The following METTL9 variants were observed in gnomAD, a reference collection of about 807,000 sequenced individuals.
The protein encoded by METTL9 is methyltransferase 9, His-X-His N1(pi)-histidine, also known as protein-L-histidine N-pros-methyltransferase.
A neutral mutation model predicts 36.0 loss-of-function variants in METTL9; 10 were observed. The ratio of observed to expected loss-of-function variants is 0.28; its 90% CI spans 0.17 to 0.47. METTL9 has a LOEUF of 0.47. METTL9 is among the 20% of genes least tolerant of loss of function. METTL9 has a pLI of 0.99. For missense variants in METTL9, 246 were observed against 383.5 expected, an observed-to-expected ratio of 0.64 and a Z score of 3.00; for synonymous variants, 175 against 149.7, an observed-to-expected ratio of 1.17 and a Z score of -1.23.
intron 3 of METTL9, among the ~76,000 whole-genome samples, chr16:21,618,745 G>A (rs1395791220): frequency 2.0e-5 from 3 of 150,190 alleles, no homozygotes; most frequent in African/African-American, 7.4e-5. Context: ...ATGGAGTCTT[G>A]CTCTGTCACC....
rs965871713 is a variant in METTL9, at chr16:21,651,585, A to G, written c.752-3642A>G. Among the ~76,000 whole-genome samples, 3 of 151,926 alleles carry G rather than the reference A, an allele frequency of 2.0e-5. 1 individual carries two copies. The highest frequency in any genetic ancestry group is 4.8e-5 in the African/African-American group (2 of 41,446). The stretch of plus-strand genomic sequence containing the variant: ...CAAAGTGCTGGGATTACAGGCATGA[A>G]CCACCACGCCCAGCCCAAAGCTTTA... On this transcript the variant is annotated intron_variant, in intron 4 of 4. Coordinates refer to ENST00000358154, the MANE Select transcript of METTL9 (RefSeq NM_016025.5).
At chr16:21,604,059 C>T (rs1173965952) in intron 1 of METTL9, among the ~76,000 whole-genome samples, 1 of 152,072 alleles carries the variant, frequency 6.6e-6, no homozygotes, top group Non-Finnish European at 1.5e-5. Context: ...CTCACTTACC[C>T]TGTGGAGGCA....
chr16:21,625,415 T>C (rs1379773300), intron 4 of METTL9, among the ~76,000 whole-genome samples: 2 of 152,198 alleles, frequency 1.3e-5, no homozygotes, highest in Non-Finnish European at 2.9e-5. Context: ...CTTGAACCAT[T>C]TATTTATTAG....
chr16:21,646,158 C>CTTTT (rs11415948), intron 4 of METTL9, among the ~76,000 whole-genome samples: 7 of 150,514 alleles, frequency 4.7e-5, no homozygotes, highest in African/African-American at 1.7e-4. Flanking sequence ...GAAATTCCCC[C>CTTTT]TTTTTTTTTC....
intron 3 of METTL9, among the ~76,000 whole-genome samples, chr16:21,619,182 C>A (rs1224842341): frequency 3.9e-5 from 6 of 152,058 alleles, no homozygotes; most frequent in Non-Finnish European, 5.9e-5. Context: ...TGGGTATAGA[C>A]CCAGAAGTGG....
intron 4 of METTL9, among the ~76,000 whole-genome samples, chr16:21,635,469 A>G (rs1482414079): frequency 6.6e-6 from 1 of 151,944 alleles, no homozygotes; most frequent in African/African-American, 2.4e-5. Context: ...CAAGCTCTGT[A>G]TAGTTGTGTA....
chr16:21,621,285 T>C (rs948581277), intron 3 of METTL9, among the ~76,000 whole-genome samples: 3 of 152,076 alleles, frequency 2.0e-5, no homozygotes, highest in Admixed American at 6.6e-5. Context: ...AGTGCTGAGA[T>C]TACAGGCATG....
At chr16:21,608,148 CA>C (rs556503146) in intron 1 of METTL9, among the ~76,000 whole-genome samples, 1 of 151,008 alleles carries the variant, frequency 6.6e-6, no homozygotes, top group Admixed American at 6.6e-5. Context: ...GACTCCGTCT[CA>C]AAAAAAACAA....
intron 4 of METTL9, chr16:21,639,490 C>T (rs1966190783): frequency 6.6e-6 from 1 of 152,202 alleles, no homozygotes; most frequent in Non-Finnish European, 1.5e-5. Context: ...AAGCTCATTA[C>T]TTTACCTGAG....
intron 4 of METTL9, among the ~76,000 whole-genome samples, chr16:21,643,789 AG>A (rs780882507): frequency 5.9e-5 from 9 of 152,218 alleles, no homozygotes; most frequent in Non-Finnish European, 1.0e-4. Flanking sequence ...CGTTGATTGT[AG>A]GATTTATAGT....
chr16:21,655,050 CTGTT>C, intron 4 of METTL9, 173 bp from the exon 5 acceptor site: 1 of 618,352 alleles, frequency 1.6e-6, no homozygotes, highest in African/African-American at 1.8e-5. Context: ...CCTTCTGAGT[CTGTT>C]CTTTATCTGC....
intron 4 of METTL9, chr16:21,627,255 T>G: frequency 3.0e-6 from 3 of 984,772 alleles, no homozygotes; most frequent in Non-Finnish European, 3.6e-6. Context: ...GCTGGACTGT[T>G]GGAGGATATC....
At chr16:21,654,569 GA>G (rs1567351540) in intron 4 of METTL9, 1 of 152,332 alleles carries the variant, frequency 6.6e-6, no homozygotes, top group African/African-American at 2.4e-5. Context: ...TCTAGTCCAA[GA>G]AATGCTGGAC....
chr16:21,630,637 T>G (rs1965934729), intron 4 of METTL9, among the ~76,000 whole-genome samples: 1 of 152,164 alleles, frequency 6.6e-6, no homozygotes, highest in Non-Finnish European at 1.5e-5. Flanking sequence ...GGGGAACTCT[T>G]TAGGCCAGTG....
At chr16:21,642,960 T>C in intron 4 of METTL9, 1 of 640,986 alleles carries the variant, frequency 1.6e-6, no homozygotes, top group Non-Finnish European at 2.8e-6. Flanking sequence ...GTGAAAGTTC[T>C]CTTTCAGACT....
At chr16:21,640,165 C>T (rs1344095147) in intron 4 of METTL9, 1 of 151,968 alleles carries the variant, frequency 6.6e-6, no homozygotes, top group Non-Finnish European at 1.5e-5. Context: ...GTCTCGAACT[C>T]CTGATCTCAT....
At chr16:21,619,897 C>T (rs1965652744) in intron 3 of METTL9, among the ~76,000 whole-genome samples, 1 of 152,150 alleles carries the variant, frequency 6.6e-6, no homozygotes, top group African/African-American at 2.4e-5. Context: ...ATTATGTAAT[C>T]ACTCACTTTC....
chr16:21,632,004 CTCTG>C (rs1187807360), intron 4 of METTL9, among the ~76,000 whole-genome samples: 2 of 152,096 alleles, frequency 1.3e-5, no homozygotes, highest in East Asian at 3.9e-4. Context: ...CTCTGACTCC[CTCTG>C]TCTCTTCCTC....
intron 1 of METTL9, among the ~76,000 whole-genome samples, chr16:21,604,146 C>T (rs1965212537): frequency 6.6e-6 from 1 of 152,144 alleles, no homozygotes; most frequent in Admixed American, 6.5e-5. Flanking sequence ...GATGGATTGG[C>T]GTCCTTCTCT....
Sources: allele counts gnomAD v4.1 joint callset (sites outside exome capture counted in the v4.1 genomes callset), GRCh38; gene constraint gnomAD v4.1.1; transcripts MANE v1.5; gene names NCBI Gene and HGNC (gene_info 2026-07-23, HGNC 2026-07-21).